The following PCDHGB1 variants were observed in gnomAD, a reference collection of about 807,000 sequenced individuals.
PCDHGB1 encodes the protein protocadherin gamma subfamily B, 1, also known as protocadherin gamma-B1.
In PCDHGB1, 34 loss-of-function variants were observed where a neutral mutation model predicts 56.6. The observed-to-expected ratio is 0.60, with a 90% CI of 0.46 to 0.80. The LOEUF (loss-of-function observed/expected upper bound fraction) is 0.80, where lower values mean the gene tolerates loss of function less well. Among genes scored for constraint, PCDHGB1 ranks in the 30% least tolerant of loss-of-function variants. The pLI, the probability that PCDHGB1 is intolerant of heterozygous loss-of-function variation, is 0.00. For synonymous variants in PCDHGB1, 561 were observed against 505.9 expected (o/e 1.11, Z -1.46); for missense variants, 1,278 against 1,204.6 (o/e 1.06, Z -0.90).
intron 1 of PCDHGB1, chr5:141,418,063 G>C (rs2015825): frequency 1.9e-6 from 3 of 1,613,754 alleles, no homozygotes; most frequent in Admixed American, 1.7e-5. Flanking sequence ...AGCTGCGAGT[G>C]AGCGCGGAGA....
intron 1 of PCDHGB1, chr5:141,361,921 G>A (rs1392187094): frequency 3.7e-6 from 6 of 1,607,600 alleles, no homozygotes; most frequent in Non-Finnish European, 5.1e-6. Flanking sequence ...GGCGGTGGAC[G>A]CAGACTCAGG....
chr5:141,356,878 C>T (rs1234761441), intron 1 of PCDHGB1: 1 of 1,614,224 alleles, frequency 6.2e-7, no homozygotes, highest in African/African-American at 1.3e-5. Context: ...CGACAATGTC[C>T]CTGAGATCCT....
chr5:141,385,284 A>C (rs1419920858), intron 1 of PCDHGB1: 5 of 1,613,356 alleles, frequency 3.1e-6, no homozygotes, highest in Non-Finnish European at 3.4e-6. Flanking sequence ...TAACATCCGT[A>C]GATTTTCAGG....
chr5:141,362,401 G>A, intron 1 of PCDHGB1: 2 of 1,614,028 alleles, frequency 1.2e-6, no homozygotes, highest in Middle Eastern at 1.6e-4. Flanking sequence ...CAACCTGTGT[G>A]TTGCCTCACA....
At chr5:141,398,811 C>G in intron 1 of PCDHGB1, 1 of 1,613,980 alleles carries the variant, frequency 6.2e-7, no homozygotes. Context: ...CCACTGAGCT[C>G]CGGATCCAGG....
chr5:141,505,243 G>A (rs2099844728), intron 2 of PCDHGB1, 150 bp from the exon 3 acceptor site: 1 of 1,424,622 alleles, frequency 7.0e-7, no homozygotes, highest in Non-Finnish European at 9.4e-7. Flanking sequence ...CTGAAGGATT[G>A]TAGAAGTGCC....
intron 1 of PCDHGB1, among the ~76,000 whole-genome samples, chr5:141,363,411 T>C (rs1315890359): frequency 6.6e-6 from 1 of 152,244 alleles, no homozygotes; most frequent in African/African-American, 2.4e-5. Flanking sequence ...ATGATAGCAG[T>C]AAATATCTGT....
intron 1 of PCDHGB1, among the ~76,000 whole-genome samples, chr5:141,460,612 T>C (rs1215147315): frequency 6.6e-6 from 1 of 152,128 alleles, no homozygotes; most frequent in African/African-American, 2.4e-5. Flanking sequence ...GTTAGATGGA[T>C]AGATAGACAG....
chr5:141,384,922 C>T, intron 1 of PCDHGB1: 1 of 1,614,018 alleles, frequency 6.2e-7, no homozygotes, highest in Non-Finnish European at 8.5e-7. Context: ...CTTGGCCGAC[C>T]TGGGCAGCCT....
At chr5:141,419,916 C>T in intron 1 of PCDHGB1, 1 of 1,614,080 alleles carries the variant, frequency 6.2e-7, no homozygotes, top group Non-Finnish European at 8.5e-7. Context: ...GACTCCCAGG[C>T]TGAGATGCAG....
intron 1 of PCDHGB1, among the ~76,000 whole-genome samples, chr5:141,458,063 G>A (rs1011861177): frequency 1.3e-5 from 2 of 152,190 alleles, no homozygotes; most frequent in African/African-American, 4.8e-5. Context: ...CTGCACTGAT[G>A]CGAACAACTA....
At chr5:141,441,757 G>A (rs1423867327) in intron 1 of PCDHGB1, 2 of 381,638 alleles carry the variant, frequency 5.2e-6, no homozygotes, top group Middle Eastern at 6.5e-4. Context: ...GTCAACGTGA[G>A]CCTGCGCGTG....
chr5:141,486,879 G>A lies in PCDHGB1; in HGVS notation c.2410-7928G>A, dbSNP rs1371072899. 7 of 1,614,228 alleles carry A rather than the reference G, an allele frequency of 4.3e-6. No homozygotes were observed. Among genetic ancestry groups the A allele is most frequent in the Non-Finnish European group, 4.2e-6 (5 of 1,180,046 alleles). On this transcript the variant is annotated intron_variant, in intron 1 of 3. Coordinates refer to ENST00000523390, the MANE Select transcript of PCDHGB1 (RefSeq NM_018922.3). The surrounding 1 kb of genome is among the most constrained non-coding windows in gnomAD (Gnocchi z 5.0). Reference sequence around the variant, plus strand: ...AATGCTCCAGCTGTGCTCCGTCCTCGGGCCCGGCCTGGTTCCTTATGTCCC... The same window carrying A: ...AATGCTCCAGCTGTGCTCCGTCCTCAGGCCCGGCCTGGTTCCTTATGTCCC...
intron 1 of PCDHGB1, chr5:141,364,149 C>A: frequency 1.8e-6 from 1 of 542,530 alleles, no homozygotes; most frequent in Non-Finnish European, 3.0e-6. Context: ...GGGAAAGAAG[C>A]TGCCGCAGAG....
intron 1 of PCDHGB1, chr5:141,441,088 G>A (rs1050261040): frequency 3.9e-5 from 6 of 152,162 alleles, no homozygotes; most frequent in African/African-American, 1.4e-4. Context: ...GGTAGCAAGT[G>A]ACAGAGAGGG....
intron 1 of PCDHGB1, among the ~76,000 whole-genome samples, chr5:141,353,204 C>A (rs780316002): frequency 5.9e-5 from 9 of 152,106 alleles, no homozygotes; most frequent in Non-Finnish European, 8.8e-5. Flanking sequence ...GCTAAAGAGA[C>A]CTGTTTCCTA....
intron 1 of PCDHGB1, chr5:141,423,616 G>A: frequency 6.2e-7 from 1 of 1,609,594 alleles, no homozygotes; most frequent in Admixed American, 1.7e-5. Context: ...GATAGCTGAA[G>A]ACTCAGCTAT....
chr5:141,503,181 A>C (rs532503504), intron 2 of PCDHGB1, among the ~76,000 whole-genome samples: 54 of 152,060 alleles, frequency 3.6e-4, no homozygotes, highest in African/African-American at 1.3e-3. Context: ...TCTATTGTGT[A>C]ATTATTTAAA....
intron 1 of PCDHGB1, chr5:141,413,635 A>C: frequency 6.2e-7 from 1 of 1,613,888 alleles, no homozygotes; most frequent in Non-Finnish European, 8.5e-7. Context: ...CGCTGCGGGA[A>C]TGCGTTTTCC....
Sources: allele counts gnomAD v4.1 joint callset (sites outside exome capture counted in the v4.1 genomes callset), GRCh38; gene constraint gnomAD v4.1.1; non-coding constraint Gnocchi (gnomAD v3.1); transcripts MANE v1.5; gene names NCBI Gene and HGNC (gene_info 2026-07-23, HGNC 2026-07-21).